Variants in IGF2BP2 observed in about 807,000 individuals in gnomAD.
IGF2BP2 encodes the protein insulin like growth factor 2 mRNA binding protein 2.
Under a neutral mutation model 75.8 loss-of-function variants are expected in IGF2BP2, and 17 were observed. The ratio of observed to expected loss-of-function variants is 0.22; its 90% CI spans 0.15 to 0.34. The LOEUF (loss-of-function observed/expected upper bound fraction) is 0.34. Among genes scored for constraint, IGF2BP2 ranks in the 10% least tolerant of loss-of-function variants. The pLI is 1.00. For missense variants in IGF2BP2, 516 were observed against 772.4 expected (o/e 0.67, Z 3.93); for synonymous variants, 288 against 295.6 (o/e 0.97, Z 0.26).
chr3:185,747,450 G>C (rs1216622748), intron 2 of IGF2BP2, among the ~76,000 whole-genome samples: 1 of 152,090 alleles, frequency 6.6e-6, no homozygotes, highest in African/African-American at 2.4e-5. Flanking sequence ...AGGCCAAGAG[G>C]GGTGGATCAC....
intron 2 of IGF2BP2, among the ~76,000 whole-genome samples, chr3:185,811,189 T>C (rs534506685): frequency 3.3e-5 from 5 of 152,264 alleles, no homozygotes; most frequent in South Asian, 4.1e-4. Context: ...ATTTTATTAA[T>C]AGGTAAAATA....
At chr3:185,689,078 C>G (rs1032246556) in intron 6 of IGF2BP2, 7 of 375,008 alleles carry the variant, frequency 1.9e-5, no homozygotes, top group African/African-American at 1.5e-4. Flanking sequence ...TTGTAGAAAT[C>G]AATGCATCCA....
intron 2 of IGF2BP2, chr3:185,724,357 C>G (rs1005680792): frequency 6.6e-6 from 1 of 152,204 alleles, no homozygotes; most frequent in African/African-American, 2.4e-5. Flanking sequence ...GTGGGGAGGT[C>G]AGAGTCTAAA....
chr3:185,786,968 TCTTAGTTCAAGGACCCCA>T (rs750405386), intron 2 of IGF2BP2, among the ~76,000 whole-genome samples: 26 of 152,224 alleles, frequency 1.7e-4, no homozygotes, highest in Admixed American at 3.3e-4. Flanking sequence ...TAAAAGCCTT[TCTTAGTTCAAGGACCCCA>T]CCAAAACAAA....
intron 4 of IGF2BP2, chr3:185,693,362 C>T (rs1722198917): frequency 6.6e-6 from 1 of 152,152 alleles, no homozygotes; most frequent in Non-Finnish European, 1.5e-5. Flanking sequence ...TTATAATTTG[C>T]ATTAATTCTT....
At chr3:185,692,896 A>G in intron 4 of IGF2BP2, 134 bp from the exon 5 acceptor site, 1 of 703,910 alleles carries the variant, frequency 1.4e-6, no homozygotes, top group Non-Finnish European at 2.5e-6. Context: ...CTGCATCTCT[A>G]CGTTTATTCA....
intron 2 of IGF2BP2, among the ~76,000 whole-genome samples, chr3:185,783,445 T>G (rs1239349416): frequency 6.6e-6 from 1 of 152,200 alleles, no homozygotes. Context: ...TTCTCACCCC[T>G]GAGGGCAGGA....
intron 2 of IGF2BP2, among the ~76,000 whole-genome samples, chr3:185,816,418 T>G (rs1250860484): frequency 6.6e-6 from 1 of 152,204 alleles, no homozygotes; most frequent in Non-Finnish European, 1.5e-5. Flanking sequence ...AAAGTACAGA[T>G]CACTCAGACT....
chr3:185,716,636 A>C (rs1470897332), intron 2 of IGF2BP2: 3 of 520,136 alleles, frequency 5.8e-6, no homozygotes, highest in Non-Finnish European at 7.7e-6. Context: ...GAAGCACAGC[A>C]CCAGCCCTCA....
intron 2 of IGF2BP2, among the ~76,000 whole-genome samples, chr3:185,808,077 C>T (rs920715204): frequency 4.8e-5 from 7 of 146,190 alleles, no homozygotes; most frequent in African/African-American, 1.8e-4. Context: ...CCTGGGAGTT[C>T]GAGTCCAGCC....
chr3:185,651,958 G>C, intron 13 of IGF2BP2, 136 bp downstream of exon 13: 1 of 590,920 alleles, frequency 1.7e-6, no homozygotes, highest in Non-Finnish European at 2.9e-6. Flanking sequence ...GGGATGACAG[G>C]GTGAGCCTGA....
intron 2 of IGF2BP2, among the ~76,000 whole-genome samples, chr3:185,714,382 T>TAGCTATCCATCCATCCATCC (rs1725279081): frequency 6.6e-6 from 1 of 152,224 alleles, no homozygotes; most frequent in South Asian, 2.1e-4. Context: ...ATCTATCATC[T>TAGCTATCCATCCATCCATCC]AGCTATCCAT....
In IGF2BP2 at chr3:185,746,163, A is replaced by C. The variant is rs77922885; in HGVS notation, c.240-47816T>G. Among the ~76,000 whole-genome samples, 1,504 of 152,306 alleles carry C rather than the reference A, an allele frequency of 9.9e-3. 24 individuals carry two copies. The highest frequency in any genetic ancestry group is 0.031 in the Middle Eastern group (9 of 294). ...ACTGGAAAATCTCCCCAACACATAT[A>C]TACAAATTCAATTCTAATCCCTGAT... On this transcript the variant is annotated intron_variant, in intron 2 of 15. Coordinates refer to ENST00000382199, the MANE Select transcript of IGF2BP2 (RefSeq NM_006548.6).
intron 13 of IGF2BP2, 74 bp from the exon 14 acceptor site, chr3:185,649,608 A>G: frequency 6.3e-7 from 1 of 1,584,720 alleles, no homozygotes; most frequent in Non-Finnish European, 8.6e-7. Flanking sequence ...TGCGAAGGGC[A>G]CTGGAGAGTC....
Position 185,649,925 on chromosome 3 carries a change from C to T in IGF2BP2, c.1462-391G>A, listed in dbSNP as rs550503244. Among the ~76,000 whole-genome samples, 51 of 152,284 alleles carry T rather than the reference C, an allele frequency of 3.3e-4. 1 individual carries two copies. The highest frequency in any genetic ancestry group is 1.1e-3 in the African/African-American group (47 of 41,556). On this transcript the variant is annotated intron_variant, in intron 13 of 15. Coordinates refer to ENST00000382199, the MANE Select transcript of IGF2BP2 (RefSeq NM_006548.6). ...TCAGGGGATTCTTATCCCATCACCA[C>T]AGGGTCATACCCCTGGTTAGTAAGG... is the stretch of plus-strand genomic sequence containing the variant.
intron 10 of IGF2BP2, among the ~76,000 whole-genome samples, chr3:185,665,455 GAGAAGAAGAAGAAGAAGA>G (rs773228830): frequency 9.9e-6 from 1 of 101,036 alleles, no homozygotes; most frequent in Non-Finnish European, 2.0e-5. Flanking sequence ...GGAGGAGGAG[GAGAAGAAGAAGAAGAAGA>G]AGGAGAAGAA....
At chr3:185,733,488 G>A (rs1728452630) in intron 2 of IGF2BP2, among the ~76,000 whole-genome samples, 1 of 152,218 alleles carries the variant, frequency 6.6e-6, no homozygotes. Context: ...TGGGCGCGGT[G>A]GCTCACGCCT....
intron 2 of IGF2BP2, among the ~76,000 whole-genome samples, chr3:185,734,221 G>A (rs968631238): frequency 6.6e-6 from 1 of 152,138 alleles, no homozygotes. Flanking sequence ...TAGGTGAAAC[G>A]TGTTCACATA....
rs537866641 is a variant in IGF2BP2 at position 185,824,746 on chromosome 3, G to T, written c.178+37C>A. On this transcript the variant is annotated intron_variant, in intron 1 of 15. Transcript: ENST00000382199. ...CCCGGCGCCGTCCCGGCCTGAGCGGGGCGAGGCGGGGGGAGGGGGCCGCGC... is the reference window on the plus strand; with the variant it reads ...CCCGGCGCCGTCCCGGCCTGAGCGGTGCGAGGCGGGGGGAGGGGGCCGCGC... The T allele has an allele frequency of 8.8e-5, 112 of 1,276,840 alleles. 1 individual carries two copies. In the South Asian group the frequency reaches 2.9e-3, roughly 33 times the overall value. 79.1% of individuals were successfully genotyped at this position (1,276,840 alleles called of 1,614,324 possible).
Sources: gnomAD v4.1 joint callset for allele counts (sites outside exome capture counted in the v4.1 genomes callset) on GRCh38, gnomAD v4.1.1 for gene constraint, MANE v1.5 for transcripts, NCBI Gene and HGNC (gene_info 2026-07-23, HGNC 2026-07-21) for gene names.